STKLD1: variants seen among roughly 807,000 people sequenced by gnomAD.
STKLD1 encodes the protein serine/threonine kinase-like domain-containing protein STKLD1.
In STKLD1, 79 loss-of-function variants were observed where a neutral mutation model predicts 80.4. That is an observed-to-expected ratio of 0.98 (90% CI 0.82 to 1.19). STKLD1 has a LOEUF of 1.19. Among genes scored for constraint, STKLD1 ranks in the 50% most tolerant of loss-of-function variants. The pLI is 0.00. For missense variants in STKLD1, 841 were observed against 856.0 expected (o/e 0.98, Z 0.22); for synonymous variants, 393 against 357.6 (o/e 1.10, Z -1.12).
intron 11 of STKLD1, among the ~76,000 whole-genome samples, chr9:133,400,202 T>G (rs1246592073): frequency 6.6e-6 from 1 of 152,174 alleles, no homozygotes; most frequent in Non-Finnish European, 1.5e-5. Context: ...AGGGGCCACT[T>G]CACAGGGCTG....
At position 133,396,109 on chromosome 9, in the gene STKLD1, A is replaced by G; in HGVS notation, c.866+346A>G. 1.7e-5 allele frequency: 3 copies of G among 181,530 alleles called. 1 individual carries two copies. The highest frequency in any genetic ancestry group is 5.1e-3 in the Middle Eastern group (2 of 396). 11.2% of individuals were successfully genotyped at this position (181,530 alleles called of 1,614,324 possible). A position where few individuals can be genotyped will look rare whatever the true frequency, so the allele number is the denominator to read the frequency against. On this transcript the variant is annotated intron_variant, in intron 9 of 17. Transcript: ENST00000371957. ...TGGTCACCTTTAAATTTTTCATTCT[A>G]ACTTACTTTAAAATCAGAAGACAAA...
At chr9:133,395,189 T>C (rs587644041) in intron 8 of STKLD1, among the ~76,000 whole-genome samples, 44 of 152,194 alleles carry the variant, frequency 2.9e-4, no homozygotes, top group African/African-American at 8.9e-4. Flanking sequence ...ACCTTGCCAC[T>C]CCCTTCCTTT....
At chr9:133,382,178 A>G (rs1838147719) in intron 2 of STKLD1, among the ~76,000 whole-genome samples, 1 of 152,104 alleles carries the variant, frequency 6.6e-6, no homozygotes, top group Non-Finnish European at 1.5e-5. Flanking sequence ...CGTGGAGACA[A>G]CCTTCCCCAT....
rs143000003 is a variant in STKLD1 at position 133,405,264 on chromosome 9, C to A, written c.1886C>A (p.Pro629Gln). Reference sequence around the variant, plus strand: ...GCTCCACCTGCAGAGGAGATCCTGCCGGAGCTGGTGTCCAGTAGTATGAAG... The same window carrying A: ...GCTCCACCTGCAGAGGAGATCCTGCAGGAGCTGGTGTCCAGTAGTATGAAG... ...VHLASYEEIL[P>Q]ELVSSSMKAL... The change falls in exon 18 of 18, where the codon CCG becomes CAG. Residue 629 changes from proline (P) to glutamine (Q), a missense_variant. Pro to Gln is a moderately conservative substitution (Grantham distance 76, BLOSUM62 -1). Coordinates refer to ENST00000371957, the MANE Select transcript of STKLD1 (RefSeq NM_153710.5). 2 of 1,606,414 alleles carry A rather than the reference C, an allele frequency of 1.2e-6. No individual in the cohort carries two copies. Among genetic ancestry groups the A allele is most frequent in the East Asian group, 2.2e-5 (1 of 44,784 alleles).
Position 133,394,314 on chromosome 9 carries a change from G to A in STKLD1, c.607G>A (p.Ala203Thr). ...EEDPFRKSWM[A>T]PEALNFSFSQ... ...AGACCCCTTTCGTAAGTCCTGGATG[G>A]CCCCTGAAGCCCTCAACTTCTCCTT... The change falls in exon 8 of 18, where the codon GCC (alanine) becomes ACC (threonine). Residue 203 changes from alanine to threonine, a missense_variant. Ala to Thr is a moderately conservative substitution (Grantham distance 58). Coordinates refer to ENST00000371957, the MANE Select transcript of STKLD1 (RefSeq NM_153710.5). The surrounding 1 kb of genome is among the most constrained non-coding windows in gnomAD (Gnocchi z 4.9). The A allele has an allele frequency of 6.2e-7, 1 of 1,613,752 alleles. No individual in the cohort carries two copies. The highest frequency in any genetic ancestry group is 1.1e-5 in the South Asian group (1 of 91,080).
intron 10 of STKLD1, among the ~76,000 whole-genome samples, 196 bp from the exon 11 acceptor site, chr9:133,397,776 A>G (rs587675401): frequency 2.6e-5 from 4 of 152,256 alleles, no homozygotes; most frequent in African/African-American, 9.6e-5. Context: ...CTTGGGTTCT[A>G]TTAAGGAAAA....
chr9:133,381,510 G>T (rs1040301019), intron 2 of STKLD1, among the ~76,000 whole-genome samples: 4 of 146,618 alleles, frequency 2.7e-5, no homozygotes, highest in Non-Finnish European at 5.9e-5. Flanking sequence ...GAGTACAATG[G>T]CGTGATCTCG....
rs2130276801 is a variant in STKLD1, at chr9:133,386,144, C to T, written c.294+453C>T. Among the ~76,000 whole-genome samples, 6 of 152,298 alleles carry T rather than the reference C, an allele frequency of 3.9e-5. No homozygotes were observed. In the East Asian group the frequency reaches 9.7e-4, roughly 25 times the overall value. ...ATGTTGGCTGGGCTGGTGTTGAACT[C>T]CTGACCTTAAGTGATCCGCCCGCCT... On this transcript the variant is annotated intron_variant, in intron 4 of 17. Coordinates refer to ENST00000371957, the MANE Select transcript of STKLD1 (RefSeq NM_153710.5).
At position 133,405,161 on chromosome 9, in the gene STKLD1, G is replaced by A. The variant is rs115041232; in HGVS notation, c.1874-91G>A. 1,175 of 1,469,680 alleles carry A rather than the reference G, an allele frequency of 8.0e-4. 8 individuals carry two copies. In the African/African-American group the frequency reaches 0.015, roughly 18 times the overall value. 91.0% of individuals were successfully genotyped at this position (1,469,680 alleles called of 1,614,324 possible). Reference sequence around the variant, plus strand: ...TGGCTCTGTGCATGCCAAGCCCAAGGGGGAATGTGACCCACTCTCATCCTT... The same window carrying A: ...TGGCTCTGTGCATGCCAAGCCCAAGAGGGAATGTGACCCACTCTCATCCTT... On this transcript the variant is annotated intron_variant, in intron 17 of 17. Transcript: ENST00000371957.
chr9:133,390,883 C>G lies in STKLD1; in HGVS notation c.583+87C>G. 1.1e-6 allele frequency: 1 copy of G among 932,232 alleles called. No homozygotes were observed. Among genetic ancestry groups the G allele is most frequent in the Non-Finnish European group, 1.8e-6 (1 of 570,108 alleles). 57.7% of individuals were successfully genotyped at this position (932,232 alleles called of 1,614,324 possible). A position where few individuals can be genotyped will look rare whatever the true frequency, so the allele number is the denominator to read the frequency against. ...GGCCACTCTGGGTGCTGGAGTGAGG[C>G]AACATCAAACAGCTGTTTGCTCAGA... On this transcript the variant is annotated intron_variant, in intron 7 of 17. Transcript: ENST00000371957. This position sits in a 1 kb window ranked among gnomAD's most constrained non-coding sequence, Gnocchi z 5.1.
At chr9:133,383,654 CAGTGATGGTGATGATGGT>C in intron 2 of STKLD1, among the ~76,000 whole-genome samples, 184 bp from the exon 3 acceptor site, 1 of 9,210 alleles carries the variant, frequency 1.1e-4, no homozygotes, top group Non-Finnish European at 2.3e-4. Flanking sequence ...GTGATGATGG[CAGTGATGGTGATGATGGT>C]GATGGTGATG....
intron 2 of STKLD1, among the ~76,000 whole-genome samples, chr9:133,381,029 TTTTG>T (rs1055231761): frequency 1.2e-4 from 18 of 152,014 alleles, no homozygotes; most frequent in African/African-American, 3.9e-4. Flanking sequence ...GGCATTATGG[TTTTG>T]TTTGTTTTTT....
At chr9:133,386,466 G>A (rs953461813) in intron 4 of STKLD1, among the ~76,000 whole-genome samples, 1 of 152,204 alleles carries the variant, frequency 6.6e-6, no homozygotes, top group Non-Finnish European at 1.5e-5. Context: ...GTGCCGTCCT[G>A]GGCCTGTGCG....
Position 133,392,641 on chromosome 9 carries a change from A to ATG in STKLD1, c.584-1650_584-1649insTG, listed in dbSNP as rs1262373593. Among the ~76,000 whole-genome samples, 39 of 7,912 alleles carry ATG rather than the reference A, an allele frequency of 4.9e-3. 1 individual carries two copies. The highest frequency in any genetic ancestry group is 8.4e-3 in the East Asian group (2 of 238). The allele number at this position is 7,912 out of a possible 152,430, so 5.2% of individuals were successfully genotyped here. A position where few individuals can be genotyped will look rare whatever the true frequency, so the allele number is the denominator to read the frequency against. ...TGGATGGATGGATGGATGGATGGAT[A>ATG]GGTGGGTGGGTGAGTGGATGGGTGG... On this transcript the variant is annotated intron_variant, in intron 7 of 17. Transcript: ENST00000371957.
chr9:133,386,170 C>T lies in STKLD1; in HGVS notation c.294+479C>T, dbSNP rs587669705. Among the ~76,000 whole-genome samples the T allele has an allele frequency of 4.6e-5, 7 of 152,316 alleles. No individual in the cohort carries two copies. In the South Asian group the frequency reaches 6.2e-4, roughly 14 times the overall value. ...CTGACCTTAAGTGATCCGCCCGCCTCGGCCTCCCAAAGTGCTGGGATTAGA... is the reference window on the plus strand; with the variant it reads ...CTGACCTTAAGTGATCCGCCCGCCTTGGCCTCCCAAAGTGCTGGGATTAGA... On this transcript the variant is annotated intron_variant, in intron 4 of 17. Transcript: ENST00000371957.
In STKLD1 at chr9:133,404,845, A is replaced by G; in HGVS notation, c.1789A>G (p.Ile597Val). The G allele has an allele frequency of 6.2e-7, 1 of 1,613,290 alleles. No homozygotes were observed. Among genetic ancestry groups the G allele is most frequent in the Non-Finnish European group, 8.5e-7 (1 of 1,179,770 alleles). Reference sequence around the variant, plus strand: ...GGAGGGCGGCAGTGGCCTCAGCCTCATCAAGGAGACCTACCAGCTCCACAG... The same window carrying G: ...GGAGGGCGGCAGTGGCCTCAGCCTCGTCAAGGAGACCTACCAGCTCCACAG... ...QEEGGSGLSL[I>V]KETYQLHRDD... The change falls in exon 17 of 18, where the codon ATC becomes GTC. Residue 597 changes from isoleucine (I) to valine (V), a missense_variant. Transcript: ENST00000371957.
chr9:133,387,703 A>G (rs1212990983), intron 5 of STKLD1, 155 bp downstream of exon 5: 8 of 707,036 alleles, frequency 1.1e-5, no homozygotes, highest in South Asian at 4.5e-5. Flanking sequence ...ACTCTAGGTA[A>G]TGTGTGCAGA....
In STKLD1 at chr9:133,390,435, G is replaced by A. The variant is rs1413579503; in HGVS notation, c.468-246G>A. Among the ~76,000 whole-genome samples the A allele has an allele frequency of 1.3e-5, 2 of 152,144 alleles. No individual in the cohort carries two copies. On this transcript the variant is annotated intron_variant, in intron 6 of 17. Coordinates refer to ENST00000371957, the MANE Select transcript of STKLD1 (RefSeq NM_153710.5). This position sits in a 1 kb window ranked among gnomAD's most constrained non-coding sequence, Gnocchi z 5.1. The stretch of plus-strand genomic sequence containing the variant: ...TGGGTGTGTTCCTACTTGTGGTTGA[G>A]GATTTTTCCCCCGATTTAAAATAAT...
intron 5 of STKLD1, chr9:133,388,915 G>A: frequency 1.0e-6 from 1 of 985,354 alleles, no homozygotes; most frequent in Non-Finnish European, 1.2e-6. Context: ...AATATTCCCA[G>A]AAACCCAGTA....
Sources: gnomAD v4.1 joint callset for allele counts (sites outside exome capture counted in the v4.1 genomes callset) on GRCh38, gnomAD v4.1.1 for gene constraint, Gnocchi (gnomAD v3.1) non-coding constraint, MANE v1.5 for transcripts, NCBI Gene and HGNC (gene_info 2026-07-23, HGNC 2026-07-21) for gene names.